The following DAB1 variants were observed in gnomAD, a reference collection of about 807,000 sequenced individuals.
The protein encoded by DAB1 is disabled homolog 1.
In DAB1, 15 loss-of-function variants were observed where a neutral mutation model predicts 64.6. The ratio of observed to expected loss-of-function variants is 0.23; its 90% CI spans 0.16 to 0.36. DAB1 has a LOEUF of 0.36. Among genes scored for constraint, DAB1 ranks in the 10% least tolerant of loss-of-function variants. The pLI is 1.00. For synonymous variants in DAB1, 235 were observed against 251.9 expected (o/e 0.93, Z 0.64); for missense variants, 596 against 706.7 (o/e 0.84, Z 1.78).
chr1:58,376,957 C>T (rs1323008378), intron 3 of DAB1, among the ~76,000 whole-genome samples: 2 of 99,962 alleles, frequency 2.0e-5, no homozygotes. Flanking sequence ...CTCTTTTGAT[C>T]TTTGTTGGTT....
intron 1 of DAB1, among the ~76,000 whole-genome samples, chr1:57,340,364 T>A (rs1357125916): frequency 6.6e-6 from 1 of 152,234 alleles, no homozygotes. Flanking sequence ...TTGGAAAATA[T>A]GCACTCTGGA....
At chr1:58,537,062 T>TTCTC (rs150887072) in intron 1 of DAB1, among the ~76,000 whole-genome samples, 148 of 145,908 alleles carry the variant, frequency 1.0e-3, no homozygotes, top group African/African-American at 1.8e-3. Context: ...ACATGCAAAA[T>TTCTC]TCTCTCTCTC....
At chr1:57,851,823 T>G (rs1004605617) in intron 1 of DAB1, among the ~76,000 whole-genome samples, 2 of 152,206 alleles carry the variant, frequency 1.3e-5, no homozygotes, top group African/African-American at 4.8e-5. Flanking sequence ...TGATTTCACT[T>G]TGCATCCTAG....
At chr1:58,147,957 T>C (rs1031979441) in intron 5 of DAB1, among the ~76,000 whole-genome samples, 14 of 149,068 alleles carry the variant, frequency 9.4e-5, no homozygotes, top group African/African-American at 3.0e-4. Context: ...GCTCATGATA[T>C]TTTACCAAGA....
intron 2 of DAB1, among the ~76,000 whole-genome samples, chr1:57,275,488 T>C (rs753612074): frequency 1.7e-4 from 26 of 152,144 alleles, no homozygotes; most frequent in South Asian, 4.1e-4. Context: ...CTGTTTAAAA[T>C]TTGAATCCTT....
rs564329969 is a variant in DAB1 at position 58,169,950 on chromosome 1, T to A, written n.310-19362A>T. ...TGGGGAAGTTTTCAGATGATCCTGA[T>A]AGGTACATAGATGTCCTACAGGGTC... On this transcript the variant is annotated intron_variant and non_coding_transcript_variant, in intron 4 of 20. Transcript: ENST00000485760. 7.9e-5 allele frequency among the ~76,000 whole-genome samples: 12 copies of A among 152,324 alleles called. No homozygotes were observed. The South Asian group carries it at 2.3e-3, about 29-fold the overall frequency.
At chr1:58,521,153 T>A (rs1468337790) in intron 2 of DAB1, among the ~76,000 whole-genome samples, 2 of 152,136 alleles carry the variant, frequency 1.3e-5, no homozygotes, top group Non-Finnish European at 2.9e-5. Context: ...TTTAAAATCA[T>A]CAAATGTTCA....
chr1:57,880,133 A>G (rs981472031), intron 1 of DAB1: 2 of 147,484 alleles, frequency 1.4e-5, no homozygotes, highest in Non-Finnish European at 1.5e-5. Context: ...TTTGGCAAAC[A>G]CAGAGAGGTA....
At chr1:57,268,979 C>T (rs1168273956) in intron 2 of DAB1, among the ~76,000 whole-genome samples, 3 of 152,244 alleles carry the variant, frequency 2.0e-5, no homozygotes, top group African/African-American at 4.8e-5. Context: ...GAAGTAGGTG[C>T]CATGACCGAG....
chr1:57,471,302 G>C (rs1300830808), intron 7 of DAB1, among the ~76,000 whole-genome samples: 3 of 152,106 alleles, frequency 2.0e-5, no homozygotes, highest in Admixed American at 1.3e-4. Context: ...TTCCAAATGG[G>C]AACAATGAGA....
At chr1:58,126,991 G>T (rs1348492661) in intron 5 of DAB1, among the ~76,000 whole-genome samples, 1 of 149,808 alleles carries the variant, frequency 6.7e-6, no homozygotes, top group Non-Finnish European at 1.5e-5. Context: ...GGATGGCTGG[G>T]TCAAATGGTA....
intron 7 of DAB1, among the ~76,000 whole-genome samples, chr1:57,635,921 C>T (rs1449678699): frequency 4.0e-5 from 6 of 151,620 alleles, no homozygotes; most frequent in African/African-American, 1.5e-4. Flanking sequence ...CGGTGAAACC[C>T]CGTCACTACT....
intron 4 of DAB1, among the ~76,000 whole-genome samples, chr1:57,083,915 T>C (rs149481286): frequency 2.0e-3 from 302 of 152,326 alleles, no homozygotes; most frequent in South Asian, 0.012. Flanking sequence ...CATCTGTGAG[T>C]TCATTCAATT....
chr1:58,294,785 G>T (rs535247130), intron 4 of DAB1, among the ~76,000 whole-genome samples: 2 of 151,728 alleles, frequency 1.3e-5, no homozygotes, highest in Non-Finnish European at 2.9e-5. Context: ...GCACATCTAG[G>T]TAGAGGATGC....
chr1:57,089,991 A>G (rs1011261838), intron 4 of DAB1, among the ~76,000 whole-genome samples: 2 of 152,182 alleles, frequency 1.3e-5, no homozygotes, highest in African/African-American at 2.4e-5. Context: ...GACACCCAGC[A>G]TGGGGCAACA....
At chr1:57,530,452 T>C (rs187053172) in intron 7 of DAB1, among the ~76,000 whole-genome samples, 8 of 152,114 alleles carry the variant, frequency 5.3e-5, no homozygotes, top group East Asian at 1.9e-4. Flanking sequence ...GGAAACAAAT[T>C]TGTGGAAATC....
intron 2 of DAB1, among the ~76,000 whole-genome samples, chr1:57,214,056 C>T (rs1401598162): frequency 1.3e-5 from 2 of 152,118 alleles, no homozygotes; most frequent in Non-Finnish European, 2.9e-5. Flanking sequence ...TTGTCTTAGT[C>T]CTTTTTGTGC....
chr1:58,377,516 CT>C (rs1230836898), intron 3 of DAB1, among the ~76,000 whole-genome samples: 3 of 137,862 alleles, frequency 2.2e-5, no homozygotes, highest in Non-Finnish European at 4.8e-5. Context: ...CCCCCACTCT[CT>C]TCTGGCTTGT....
At chr1:57,566,781 T>G (rs965883774) in intron 7 of DAB1, among the ~76,000 whole-genome samples, 6 of 152,168 alleles carry the variant, frequency 3.9e-5, no homozygotes, top group Non-Finnish European at 8.8e-5. Context: ...GAGGCAATAA[T>G]TAATAGCCTA....
Sources: allele counts gnomAD v4.1 joint callset (sites outside exome capture counted in the v4.1 genomes callset), GRCh38; gene constraint gnomAD v4.1.1; transcripts MANE v1.5; gene names NCBI Gene and HGNC (gene_info 2026-07-23, HGNC 2026-07-21).